Variants in MMP20 observed in about 807,000 individuals in gnomAD.
MMP20 encodes matrix metallopeptidase 20.
In MMP20, 50 loss-of-function variants were observed where a neutral mutation model predicts 51.8. The ratio of observed to expected loss-of-function variants is 0.97; its 90% confidence interval spans 0.77 to 1.22. The LOEUF is 1.22. Among genes scored for constraint, MMP20 ranks in the 50% most tolerant of loss-of-function variants. The pLI, the probability that MMP20 is intolerant of heterozygous loss-of-function variation, is 0.00. For synonymous variants in MMP20, 244 were observed against 216.2 expected (o/e 1.13, Z -1.13); for missense variants, 663 against 601.4 (o/e 1.10, Z -1.07).
At position 102,616,826 on chromosome 11, in the gene MMP20, A is replaced by AT. The variant is rs759614533; in HGVS notation, c.359dup (p.Asn120LysfsTer9). ...GATCTCATTACCTGTATGTCAAAGT[A>AT]TTTTTTTTCCATTTGGGTTCACCAG... On this transcript the variant is annotated frameshift_variant, in exon 2 of 10. Coordinates refer to ENST00000260228, the MANE Select transcript of MMP20 (RefSeq NM_004771.4). LOFTEE classifies it high-confidence loss of function. 2.7e-5 allele frequency: 44 copies of AT among 1,613,732 alleles called. No individual in the cohort carries two copies. Among genetic ancestry groups the AT allele is most frequent in the Non-Finnish European group, 3.1e-5 (37 of 1,179,870 alleles).
rs149696445 is a variant in MMP20, at chr11:102,606,536, G to C, written c.952C>G (p.Arg318Gly). 6.2e-7 allele frequency: 1 copy of C among 1,613,824 alleles called. No individual in the cohort carries two copies. Among genetic ancestry groups the C allele is most frequent in the Non-Finnish European group, 8.5e-7 (1 of 1,179,810 alleles). ...LGKELLLFKD[R>G]IFWRRQVHLR... The stretch of plus-strand genomic sequence containing the variant: ...GTCGGTGGCGTGTCTGAGGCTTACC[G>C]GTCCTTGAAGAGCAGGAGCTCCTTC... The change falls in exon 6 of 10, where the codon CGG (arginine) becomes GGG (glycine). Residue 318 changes from arginine to glycine, a missense_variant and splice_region_variant. By Grantham distance (125) the Arg-to-Gly change is moderately radical (BLOSUM62 -2). Transcript: ENST00000260228.
chr11:102,617,005 C>G lies in MMP20; in HGVS notation c.181G>C (p.Val61Leu), dbSNP rs780266805. 1 of 1,614,028 alleles carries G rather than the reference C, an allele frequency of 6.2e-7. No homozygotes were observed. The highest frequency in any genetic ancestry group is 1.7e-5 in the Admixed American group (1 of 59,996). Reference protein sequence around the residue: ...NKEGHQIGEMVARGSNSMIRK... With the variant: ...NKEGHQIGEMLARGSNSMIRK... ...ATCATGGAATTGCTTCCTCTTGCAA[C>G]CATCTCACCAATCTGGTGTCCTTCT... The change falls in exon 2 of 10, where the codon GTT becomes CTT. Residue 61 changes from valine to leucine, a missense_variant. Transcript: ENST00000260228.
chr11:102,602,655 T>C (rs1394838530), intron 6 of MMP20, among the ~76,000 whole-genome samples: 2 of 152,208 alleles, frequency 1.3e-5, no homozygotes, highest in African/African-American at 4.8e-5. Context: ...CTGGGTCTCA[T>C]GGGAGGGTCT....
In MMP20 at chr11:102,577,407, T is replaced by C; in HGVS notation, c.1371A>G (p.Ser457=). Reference sequence around the variant, plus strand: ...TGTCATACTTGTATGTTTTTGGTCCTGAAAAGAAGTAAATGTAGCCTAAAA... The same window carrying C: ...TGTCATACTTGTATGTTTTTGGTCCCGAAAAGAAGTAAATGTAGCCTAAAA... ...VELNGYIYFF[S]GPKTYKYDTE... The change falls in exon 10 of 10, where the codon TCA becomes TCG. Residue 457 remains serine (S), a synonymous_variant. Coordinates refer to ENST00000260228, the MANE Select transcript of MMP20 (RefSeq NM_004771.4). The C allele has an allele frequency of 6.2e-7, 1 of 1,613,504 alleles. No homozygotes were observed. Among genetic ancestry groups the C allele is most frequent in the African/African-American group, 1.3e-5 (1 of 75,050 alleles).
At position 102,609,015 on chromosome 11, in the gene MMP20, A is replaced by G. The variant is rs1369132495; in HGVS notation, c.733T>C (p.Tyr245His). 1.2e-6 allele frequency: 2 copies of G among 1,613,974 alleles called. No homozygotes were observed. The highest frequency in any genetic ancestry group is 1.3e-5 in the African/African-American group (1 of 75,038). The change falls in exon 5 of 10, where the codon TAC (tyrosine) becomes CAC (histidine). Residue 245 changes from tyrosine (Y) to histidine (H), a missense_variant. By Grantham distance (83) the Tyr-to-His change is moderately conservative. Coordinates refer to ENST00000260228, the MANE Select transcript of MMP20 (RefSeq NM_004771.4). The part of the protein sequence containing the change: ...AHSTDPSALM[Y>H]PTYKYKNPYG... Reference sequence around the variant, plus strand: ...GGATTCTTGTACTTATAAGTTGGGTACATCAGTGCTGATGGGTCTGTGGAA... The same window carrying G: ...GGATTCTTGTACTTATAAGTTGGGTGCATCAGTGCTGATGGGTCTGTGGAA...
rs780807293 is a variant in MMP20 at position 102,625,305 on chromosome 11, A to C, written c.15T>G (p.Pro5=). MKVL[P]ASGLAVFLIM... ...TGAGGAAGACAGCAAGGCCAGATGC[A>C]GGGAGCACCTTCATCCCCTCACAGT... Residue 5 remains proline, a synonymous_variant, in exon 1 of 10, where the codon CCT becomes CCG. Coordinates refer to ENST00000260228, the MANE Select transcript of MMP20 (RefSeq NM_004771.4). 2.5e-6 allele frequency: 4 copies of C among 1,613,436 alleles called. No individual in the cohort carries two copies. The East Asian group carries it at 8.9e-5, about 36-fold the overall frequency.
In MMP20 at chr11:102,580,455, G is replaced by A. The variant is rs988245611; in HGVS notation, c.1248-1313C>T. Among the ~76,000 whole-genome samples, 15 of 152,170 alleles carry A rather than the reference G, an allele frequency of 9.9e-5. No individual in the cohort carries two copies. In the South Asian group the frequency reaches 1.9e-3, roughly 19 times the overall value. ...CACCATCTCTTGAAATGTCCCTCTT[G>A]TGTGGCTATGACTACACAGGCCAGG... On this transcript the variant is annotated intron_variant, in intron 8 of 9. Coordinates refer to ENST00000260228, the MANE Select transcript of MMP20 (RefSeq NM_004771.4).
intron 6 of MMP20, among the ~76,000 whole-genome samples, chr11:102,604,268 C>A (rs1005079015): frequency 1.1e-4 from 17 of 152,154 alleles, no homozygotes; most frequent in African/African-American, 3.9e-4. Flanking sequence ...TTACTCAGAT[C>A]TGTGCTCCAA....
chr11:102,616,166 G>C (rs775788012), intron 2 of MMP20, among the ~76,000 whole-genome samples: 2 of 152,176 alleles, frequency 1.3e-5, no homozygotes, highest in African/African-American at 2.4e-5. Flanking sequence ...GGGGCTAAGA[G>C]TGGAACTGCT....
In MMP20 at chr11:102,577,137, T is replaced by C; in HGVS notation, c.*189A>G. ...AAAGTTGCCCATATAAAAACTTTTC[T>C]AATGTGGATTGAAATTCTGATTATA... is the stretch of plus-strand genomic sequence containing the variant. On this transcript the variant is annotated 3_prime_UTR_variant, in exon 10 of 10. Coordinates refer to ENST00000260228, the MANE Select transcript of MMP20 (RefSeq NM_004771.4). 1.7e-6 allele frequency: 1 copy of C among 576,144 alleles called. No homozygotes were observed. Among genetic ancestry groups the C allele is most frequent in the East Asian group, 3.0e-5 (1 of 32,972 alleles). The allele number at this position is 576,144 out of a possible 1,614,324, so 35.7% of individuals were successfully genotyped here.
At chr11:102,605,175 G>A (rs775783879) in intron 6 of MMP20, 2 of 152,136 alleles carry the variant, frequency 1.3e-5, no homozygotes, top group Non-Finnish European at 2.9e-5. Flanking sequence ...TACATGAAGG[G>A]ATCATGAGAG....
At chr11:102,622,732 G>T (rs1859766449) in intron 1 of MMP20, among the ~76,000 whole-genome samples, 1 of 152,140 alleles carries the variant, frequency 6.6e-6, no homozygotes, top group African/African-American at 2.4e-5. Flanking sequence ...CTCATGGAAG[G>T]AGCATAAGAA....
At chr11:102,610,077 A>C (rs1859577913) in intron 3 of MMP20, 47 bp from the exon 4 acceptor site, 1 of 1,609,404 alleles carries the variant, frequency 6.2e-7, no homozygotes, top group East Asian at 2.2e-5. Context: ...CCTTCTAGAA[A>C]TTCTGAGGGG....
intron 6 of MMP20, among the ~76,000 whole-genome samples, chr11:102,603,736 C>A (rs1616349): frequency 0.77 from 117,388 of 152,100 alleles, 45,533 homozygotes; most frequent in Middle Eastern, 0.83. Context: ...GCTTATAGCT[C>A]GTTCTAGTTC....
chr11:102,609,832 C>A lies in MMP20; in HGVS notation c.649+73G>T, dbSNP rs988426345. ...TTAAAGGGTGGCTTGGGACGTTGAA[C>A]CTCAAGGTTTCATGATGGAGCCCAG... On this transcript the variant is annotated intron_variant, in intron 4 of 9. Transcript: ENST00000260228. 2.5e-6 allele frequency: 4 copies of A among 1,606,664 alleles called. No individual in the cohort carries two copies. In the East Asian group the frequency reaches 6.7e-5, roughly 27 times the overall value.
chr11:102,604,996 T>C (rs956540485), intron 6 of MMP20, among the ~76,000 whole-genome samples: 4 of 152,222 alleles, frequency 2.6e-5, no homozygotes, highest in Non-Finnish European at 4.4e-5. Flanking sequence ...TCCAAATTCC[T>C]ATGCTGAAGC....
At chr11:102,624,383 A>G (rs1859789551) in intron 1 of MMP20, among the ~76,000 whole-genome samples, 1 of 119,538 alleles carries the variant, frequency 8.4e-6, no homozygotes, top group African/African-American at 3.1e-5. Flanking sequence ...TCTTTTAAAA[A>G]CAAAACACGC....
chr11:102,590,292 G>A (rs923610385), intron 8 of MMP20, among the ~76,000 whole-genome samples: 24 of 152,186 alleles, frequency 1.6e-4, no homozygotes, highest in Non-Finnish European at 3.4e-4. Context: ...AAAGTAAGGG[G>A]AAGTGGTTCT....
At chr11:102,592,607 G>A (rs1356988442) in intron 8 of MMP20, among the ~76,000 whole-genome samples, 1 of 152,216 alleles carries the variant, frequency 6.6e-6, no homozygotes, top group African/African-American at 2.4e-5. Context: ...ACAAAGTTGG[G>A]TGCTCTCCTG....
Sources: allele counts gnomAD v4.1 joint callset (sites outside exome capture counted in the v4.1 genomes callset), GRCh38; gene constraint gnomAD v4.1.1; transcripts MANE v1.5; gene names NCBI Gene and HGNC (gene_info 2026-07-23, HGNC 2026-07-21).